The following TRAF3 variants were observed in gnomAD, a reference collection of about 807,000 sequenced individuals.
TRAF3 encodes TNF receptor-associated factor 3.
TRAF3 carries 13 observed loss-of-function variants against 62.3 expected under a neutral mutation model. The observed-to-expected ratio is 0.21, with a 90% CI of 0.14 to 0.33. The LOEUF (loss-of-function observed/expected upper bound fraction) is 0.33, where lower values mean the gene tolerates loss of function less well. Ranked by LOEUF, TRAF3 falls within the 10% of genes least tolerant of loss-of-function variation. TRAF3 has a pLI of 1.00. For synonymous variants in TRAF3, 269 were observed against 283.4 expected (o/e 0.95, Z 0.51); for missense variants, 440 against 741.8 (o/e 0.59, Z 4.73).
At chr14:102,901,229 A>G (rs997187019) in intron 10 of TRAF3, among the ~76,000 whole-genome samples, 1 of 152,160 alleles carries the variant, frequency 6.6e-6, no homozygotes, top group East Asian at 1.9e-4. Flanking sequence ...GCCCTTGCGT[A>G]GCACAATCGC....
chr14:102,844,020 GTAACT>G (rs1595355196), intron 2 of TRAF3, among the ~76,000 whole-genome samples: 1 of 152,204 alleles, frequency 6.6e-6, no homozygotes, highest in African/African-American at 2.4e-5. Flanking sequence ...CTTTCAAAAT[GTAACT>G]TAACTAAAAG....
intron 1 of TRAF3, among the ~76,000 whole-genome samples, chr14:102,780,918 G>C (rs985464805): frequency 6.6e-6 from 1 of 152,162 alleles, no homozygotes; most frequent in African/African-American, 2.4e-5. Context: ...GCTTGTGGCA[G>C]GAAGGATAAG....
chr14:102,817,595 C>T (rs1026968605), intron 1 of TRAF3, among the ~76,000 whole-genome samples: 2 of 152,034 alleles, frequency 1.3e-5, no homozygotes, highest in African/African-American at 4.8e-5. Flanking sequence ...GGAGAAAATA[C>T]CAGCTTGCCC....
chr14:102,806,944 T>A (rs1347556986), intron 1 of TRAF3, among the ~76,000 whole-genome samples: 2 of 152,168 alleles, frequency 1.3e-5, no homozygotes, highest in Non-Finnish European at 2.9e-5. Context: ...CCTACCCCCA[T>A]CCAGATGCTA....
chr14:102,780,843 C>A (rs993544107), intron 1 of TRAF3, among the ~76,000 whole-genome samples: 4 of 152,168 alleles, frequency 2.6e-5, no homozygotes, highest in African/African-American at 9.7e-5. Flanking sequence ...ATCTTGGCCC[C>A]TGTGCACAGT....
chr14:102,862,381 A>G (rs1887729078), intron 2 of TRAF3, among the ~76,000 whole-genome samples: 1 of 147,596 alleles, frequency 6.8e-6, no homozygotes, highest in South Asian at 2.1e-4. Context: ...AGCCTGGGTG[A>G]CAGAGTAAGA....
intron 2 of TRAF3, among the ~76,000 whole-genome samples, chr14:102,857,374 T>C (rs1887433145): frequency 2.0e-5 from 3 of 152,216 alleles, no homozygotes; most frequent in Admixed American, 6.5e-5. Flanking sequence ...TGAAGACAAA[T>C]CATGGTACAA....
intron 6 of TRAF3, among the ~76,000 whole-genome samples, chr14:102,883,223 G>A (rs182577126): frequency 3.3e-5 from 5 of 152,288 alleles, no homozygotes; most frequent in East Asian, 1.9e-4. Context: ...GTTGTTATAC[G>A]ACAAGGAGAT....
intron 9 of TRAF3, among the ~76,000 whole-genome samples, chr14:102,891,932 C>G (rs2139947344): frequency 6.6e-6 from 1 of 151,934 alleles, no homozygotes; most frequent in South Asian, 2.1e-4. Context: ...AAGAGACAAA[C>G]AGGAAAAAAT....
intron 1 of TRAF3, among the ~76,000 whole-genome samples, chr14:102,814,187 A>G (rs1230512622): frequency 6.6e-6 from 1 of 152,116 alleles, no homozygotes; most frequent in African/African-American, 2.4e-5. Context: ...TCCCCAATGA[A>G]TGTTCTTGGC....
intron 2 of TRAF3, among the ~76,000 whole-genome samples, chr14:102,853,204 A>AT (rs1000265422): frequency 3.3e-5 from 5 of 150,146 alleles, no homozygotes; most frequent in Admixed American, 6.6e-5. Context: ...CCTGGCCTTT[A>AT]TTTTTTTTTA....
chr14:102,813,173 C>G (rs545739041), intron 1 of TRAF3, among the ~76,000 whole-genome samples: 1 of 42,268 alleles, frequency 2.4e-5, no homozygotes, highest in East Asian at 1.1e-3. Context: ...CGGGGTTTCT[C>G]CATGTTGATC....
chr14:102,827,203 G>A (rs1020319616), intron 1 of TRAF3, among the ~76,000 whole-genome samples: 4 of 152,184 alleles, frequency 2.6e-5, no homozygotes, highest in Admixed American at 1.3e-4. Context: ...ACTCGGGCCC[G>A]GGTTCTTCCT....
chr14:102,780,348 G>A (rs1897224142), intron 1 of TRAF3, among the ~76,000 whole-genome samples: 1 of 151,750 alleles, frequency 6.6e-6, no homozygotes, highest in South Asian at 2.1e-4. Flanking sequence ...CCGAGAAAAT[G>A]TTATGTGTGC....
At chr14:102,896,232 G>C (rs1890001021) in intron 9 of TRAF3, among the ~76,000 whole-genome samples, 1 of 152,138 alleles carries the variant, frequency 6.6e-6, no homozygotes, top group Non-Finnish European at 1.5e-5. Context: ...ATGCTGTTCA[G>C]TGGGCTCAAA....
At chr14:102,789,257 A>G (rs961004909) in intron 1 of TRAF3, among the ~76,000 whole-genome samples, 3 of 152,158 alleles carry the variant, frequency 2.0e-5, no homozygotes, top group Non-Finnish European at 4.4e-5. Context: ...CAATCTGTCT[A>G]TTCATTTGTT....
At chr14:102,792,432 ATTTTTTTT>A (rs35496572) in intron 1 of TRAF3, among the ~76,000 whole-genome samples, 1 of 122,744 alleles carries the variant, frequency 8.1e-6, no homozygotes, top group East Asian at 2.3e-4. Context: ...CAGTTAATTG[ATTTTTTTT>A]TTTTTTTTTT....
At chr14:102,823,926 T>TA (rs1222613235) in intron 1 of TRAF3, among the ~76,000 whole-genome samples, 7 of 152,248 alleles carry the variant, frequency 4.6e-5, no homozygotes, top group African/African-American at 1.7e-4. Context: ...ATTGTGCATG[T>TA]ATGCATCGGT....
intron 2 of TRAF3, among the ~76,000 whole-genome samples, chr14:102,834,951 A>G (rs1399763327): frequency 6.6e-6 from 1 of 152,174 alleles, no homozygotes; most frequent in Non-Finnish European, 1.5e-5. Flanking sequence ...TTATCGACAG[A>G]GTAAACATAC....
Sources: allele counts gnomAD v4.1 joint callset (sites outside exome capture counted in the v4.1 genomes callset), GRCh38; gene constraint gnomAD v4.1.1; transcripts MANE v1.5; gene names NCBI Gene and HGNC (gene_info 2026-07-23, HGNC 2026-07-21).